TMEM117: variants seen among roughly 807,000 people sequenced by gnomAD.
The protein encoded by TMEM117 is transmembrane protein 117.
TMEM117 carries 27 observed loss-of-function variants against 52.4 expected under a neutral mutation model. That is an observed-to-expected ratio of 0.51 (90% CI 0.38 to 0.71). The LOEUF (loss-of-function observed/expected upper bound fraction) is 0.71. Ranked by LOEUF, TMEM117 falls within the 30% of genes least tolerant of loss-of-function variation. TMEM117 has a pLI of 0.00. For missense variants in TMEM117, 556 were observed against 630.5 expected (o/e 0.88, Z 1.26); for synonymous variants, 215 against 206.3 (o/e 1.04, Z -0.36).
chr12:43,912,283 T>G (rs1214230070), intron 2 of TMEM117, among the ~76,000 whole-genome samples: 1 of 141,826 alleles, frequency 7.1e-6, no homozygotes, highest in African/African-American at 2.6e-5. Flanking sequence ...CACTCATAGG[T>G]GGGAATTGAA....
chr12:43,801,226 C>A, the TMEM117 span, among the ~76,000 whole-genome samples: 2 of 152,058 alleles, frequency 1.3e-5, no homozygotes, highest in African/African-American at 4.8e-5. Flanking sequence ...AATCAAAATT[C>A]ACGGCTTACC....
chr12:44,370,138 T>C (rs1056357443), intron 6 of TMEM117, among the ~76,000 whole-genome samples: 1 of 152,226 alleles, frequency 6.6e-6, no homozygotes, highest in Non-Finnish European at 1.5e-5. Flanking sequence ...TGGTTAGACA[T>C]GTCTCATGAA....
At chr12:44,115,407 T>G (rs555213579) in intron 3 of TMEM117, among the ~76,000 whole-genome samples, 12 of 152,144 alleles carry the variant, frequency 7.9e-5, no homozygotes, top group Non-Finnish European at 1.5e-4. Context: ...TGTATACATA[T>G]GTACCAAACC....
At chr12:43,811,446 G>A in the TMEM117 span, among the ~76,000 whole-genome samples, 7 of 152,146 alleles carry the variant, frequency 4.6e-5, no homozygotes, top group Non-Finnish European at 8.8e-5. Flanking sequence ...TACTGGACCT[G>A]GCATGCCTCC....
At chr12:44,360,732 A>C (rs1489549077) in intron 6 of TMEM117, among the ~76,000 whole-genome samples, 1 of 152,150 alleles carries the variant, frequency 6.6e-6, no homozygotes, top group Non-Finnish European at 1.5e-5. Context: ...ATGAAGTCAA[A>C]ACTAGCTTAG....
the TMEM117 span, among the ~76,000 whole-genome samples, chr12:43,803,736 T>G: frequency 2.0e-5 from 3 of 152,246 alleles, no homozygotes; most frequent in African/African-American, 7.2e-5. Flanking sequence ...AAATGCATAT[T>G]TTACAAACTA....
chr12:43,852,895 A>G (rs1346905339), intron 2 of TMEM117, among the ~76,000 whole-genome samples: 2 of 152,174 alleles, frequency 1.3e-5, no homozygotes. Context: ...GACCTCCACC[A>G]TAAGGAGCTG....
chr12:43,803,811 G>A, the TMEM117 span, among the ~76,000 whole-genome samples: 2 of 152,002 alleles, frequency 1.3e-5, no homozygotes, highest in African/African-American at 2.4e-5. Flanking sequence ...GTTTGTGAAA[G>A]AACAAGTTAC....
At chr12:44,264,852 A>G (rs1360489592) in intron 5 of TMEM117, among the ~76,000 whole-genome samples, 2 of 152,182 alleles carry the variant, frequency 1.3e-5, no homozygotes, top group Admixed American at 6.6e-5. Context: ...GCTTTTTAGC[A>G]TTTACTAAAG....
intron 2 of TMEM117, among the ~76,000 whole-genome samples, chr12:43,898,623 A>G (rs1944252987): frequency 6.6e-6 from 1 of 152,106 alleles, no homozygotes; most frequent in Non-Finnish European, 1.5e-5. Flanking sequence ...AGTTAATCTC[A>G]TTGACCTATT....
intron 5 of TMEM117, among the ~76,000 whole-genome samples, chr12:44,223,970 C>G (rs868422507): frequency 2.0e-5 from 3 of 152,130 alleles, no homozygotes; most frequent in Admixed American, 1.3e-4. Flanking sequence ...CAATCTACTG[C>G]GCTTCCATAT....
At chr12:43,899,615 A>G (rs1055032149) in intron 2 of TMEM117, among the ~76,000 whole-genome samples, 1 of 130,228 alleles carries the variant, frequency 7.7e-6, no homozygotes, top group Non-Finnish European at 1.7e-5. Flanking sequence ...AATTCATTTC[A>G]GGTGTGTTTC....
intron 3 of TMEM117, among the ~76,000 whole-genome samples, chr12:44,137,322 G>A (rs184445356): frequency 6.9e-4 from 105 of 152,146 alleles, no homozygotes; most frequent in Non-Finnish European, 1.2e-3. Flanking sequence ...AGAAGACAGG[G>A]ATTGGCATGG....
chr12:43,851,781 G>A (rs772812970), intron 2 of TMEM117, among the ~76,000 whole-genome samples: 1 of 152,164 alleles, frequency 6.6e-6, no homozygotes, highest in Non-Finnish European at 1.5e-5. Flanking sequence ...TGAGCACAAG[G>A]GGAAACTACA....
intron 6 of TMEM117, among the ~76,000 whole-genome samples, chr12:44,307,672 C>CGGA (rs1374410981): frequency 3.9e-5 from 6 of 152,156 alleles, no homozygotes; most frequent in African/African-American, 1.2e-4. Flanking sequence ...GGGAGAATCA[C>CGGA]GGAGGAGGAC....
chr12:44,303,962 A>G (rs1241504315), intron 6 of TMEM117, among the ~76,000 whole-genome samples: 1 of 152,242 alleles, frequency 6.6e-6, no homozygotes, highest in African/African-American at 2.4e-5. Flanking sequence ...ATCCAAATAG[A>G]ACCTTCCAGT....
intron 6 of TMEM117, among the ~76,000 whole-genome samples, chr12:44,301,535 C>G (rs924421809): frequency 6.6e-6 from 1 of 152,068 alleles, no homozygotes; most frequent in African/African-American, 2.4e-5. Flanking sequence ...AGCAATAACC[C>G]GGCCAAGCTA....
chr12:44,390,991 A>G (rs1952158779), downstream of TMEM117, among the ~76,000 whole-genome samples: 1 of 152,200 alleles, frequency 6.6e-6, no homozygotes, highest in Non-Finnish European at 1.5e-5. Flanking sequence ...AGAGATGTGT[A>G]GCAATCTCAG....
At chr12:43,918,085 A>T (rs1944634933) in intron 2 of TMEM117, among the ~76,000 whole-genome samples, 1 of 152,186 alleles carries the variant, frequency 6.6e-6, no homozygotes, top group Non-Finnish European at 1.5e-5. Context: ...CCTGAGATGG[A>T]ACATAACTGT....
Sources: allele counts gnomAD v4.1 joint callset (sites outside exome capture counted in the v4.1 genomes callset), GRCh38; gene constraint gnomAD v4.1.1; transcripts MANE v1.5; gene names NCBI Gene and HGNC (gene_info 2026-07-23, HGNC 2026-07-21).